The following COL8A1 variants were observed in gnomAD, a reference collection of about 807,000 sequenced individuals.
COL8A1 encodes the protein collagen alpha-1(VIII) chain.
In COL8A1, 21 loss-of-function variants were observed where a neutral mutation model predicts 42.7. The observed-to-expected ratio is 0.49, with a 90% CI of 0.35 to 0.71. The LOEUF is 0.71. Ranked by LOEUF, COL8A1 falls within the 30% of genes least tolerant of loss-of-function variation. The pLI is 0.01. For synonymous variants in COL8A1, 367 were observed against 369.1 expected, an observed-to-expected ratio of 0.99 and a Z score of 0.06; for missense variants, 788 against 962.4, an observed-to-expected ratio of 0.82 and a Z score of 2.40.
At chr3:99,650,522 C>T (rs1004141387) in intron 1 of COL8A1, among the ~76,000 whole-genome samples, 13 of 152,052 alleles carry the variant, frequency 8.5e-5, no homozygotes, top group Admixed American at 4.6e-4. Context: ...GTGACCTTCA[C>T]CTCCCGGGTT....
intron 2 of COL8A1, among the ~76,000 whole-genome samples, chr3:99,776,285 A>AC: frequency 6.6e-6 from 1 of 152,282 alleles, no homozygotes; most frequent in East Asian, 1.9e-4. Context: ...AGGGGAAAAA[A>AC]CAGAAAGTCT....
At chr3:99,653,208 T>A (rs896401888) in intron 1 of COL8A1, among the ~76,000 whole-genome samples, 27 of 152,326 alleles carry the variant, frequency 1.8e-4, no homozygotes, top group African/African-American at 5.8e-4. Context: ...GTCATTTAGG[T>A]GAGCAGCAGC....
intron 2 of COL8A1, among the ~76,000 whole-genome samples, chr3:99,789,288 C>A (rs574185975): frequency 6.6e-6 from 1 of 152,144 alleles, no homozygotes; most frequent in Non-Finnish European, 1.5e-5. Context: ...AAACAACTCT[C>A]AAGAAGATGG....
intron 2 of COL8A1, among the ~76,000 whole-genome samples, chr3:99,777,485 C>T (rs1263305336): frequency 6.6e-6 from 1 of 152,168 alleles, no homozygotes; most frequent in Non-Finnish European, 1.5e-5. Context: ...AATCTGTTTG[C>T]TATTAGGGTG....
intron 1 of COL8A1, among the ~76,000 whole-genome samples, chr3:99,734,808 T>C (rs1940650937): frequency 6.6e-6 from 1 of 152,160 alleles, no homozygotes; most frequent in Non-Finnish European, 1.5e-5. Flanking sequence ...CATTTGTTTG[T>C]ATCCTCTTTT....
chr3:99,728,285 T>G (rs1475692861), intron 1 of COL8A1, among the ~76,000 whole-genome samples: 3 of 152,100 alleles, frequency 2.0e-5, no homozygotes, highest in Non-Finnish European at 4.4e-5. Context: ...ATAAGCAACT[T>G]CAGCAAAGTC....
chr3:99,729,750 A>G (rs945173388), intron 1 of COL8A1, among the ~76,000 whole-genome samples: 2 of 152,022 alleles, frequency 1.3e-5, no homozygotes, highest in Non-Finnish European at 2.9e-5. Flanking sequence ...AGAAAGGGAA[A>G]TTATCTCTCC....
chr3:99,790,646 TTTCACCAAGTTGGTGCATTGG>T lies in COL8A1; in HGVS notation c.-3-30_-3-10del, dbSNP rs1429711922. 1 of 1,586,752 alleles carries T rather than the reference TTTCACCAAGTTGGTGCATTGG, an allele frequency of 6.3e-7. No homozygotes were observed. On this transcript the variant is annotated splice_polypyrimidine_tract_variant and intron_variant, in intron 2 of 3. Coordinates refer to ENST00000652472, the MANE Select transcript of COL8A1 (RefSeq NM_020351.4). ...ACTCAAGTCACTTGGCCTTGCAGAG[TTTCACCAAGTTGGTGCATTGG>T]TTCCTCCCACAGGTGATGGCTGTGC...
intron 1 of COL8A1, among the ~76,000 whole-genome samples, chr3:99,736,256 T>C (rs1458440568): frequency 1.3e-5 from 2 of 152,332 alleles, no homozygotes; most frequent in African/African-American, 4.8e-5. Context: ...GGTGTCAATT[T>C]TGGATCTTTC....
chr3:99,656,479 C>T (rs190704614), intron 1 of COL8A1, among the ~76,000 whole-genome samples: 2 of 147,046 alleles, frequency 1.4e-5, no homozygotes, highest in East Asian at 4.0e-4. Context: ...CTCAATTTAT[C>T]TATTTGTATA....
chr3:99,723,650 T>G (rs1436841650), intron 1 of COL8A1, among the ~76,000 whole-genome samples: 2 of 152,176 alleles, frequency 1.3e-5, no homozygotes, highest in Non-Finnish European at 2.9e-5. Context: ...ATTTTTATTT[T>G]CCTTCTGTCA....
intron 1 of COL8A1, among the ~76,000 whole-genome samples, chr3:99,684,439 G>A (rs1938987189): frequency 6.6e-6 from 1 of 152,118 alleles, no homozygotes; most frequent in Non-Finnish European, 1.5e-5. Context: ...GAGGGTTGGG[G>A]TACTGGCATC....
chr3:99,748,272 CTGTTCAATAT>C (rs1428803663), intron 2 of COL8A1, among the ~76,000 whole-genome samples: 1 of 152,140 alleles, frequency 6.6e-6, no homozygotes, highest in Non-Finnish European at 1.5e-5. Flanking sequence ...TATAGCTGCA[CTGTTCAATAT>C]GATAGCCACT....
At chr3:99,779,138 A>G (rs1941746846) in intron 2 of COL8A1, among the ~76,000 whole-genome samples, 2 of 152,254 alleles carry the variant, frequency 1.3e-5, no homozygotes, top group African/African-American at 4.8e-5. Context: ...TTTAGATGTG[A>G]GGATACTACT....
At chr3:99,667,694 A>G (rs1938410214) in intron 1 of COL8A1, among the ~76,000 whole-genome samples, 1 of 152,018 alleles carries the variant, frequency 6.6e-6, no homozygotes, top group Non-Finnish European at 1.5e-5. Flanking sequence ...AGGAATGTTA[A>G]TTCTTTCTTG....
At chr3:99,770,268 T>A (rs1214747961) in intron 2 of COL8A1, among the ~76,000 whole-genome samples, 2 of 152,132 alleles carry the variant, frequency 1.3e-5, no homozygotes, top group African/African-American at 4.8e-5. Context: ...CTTTTCAGGC[T>A]CATTTCAGGA....
intron 2 of COL8A1, among the ~76,000 whole-genome samples, chr3:99,758,260 AC>A (rs747721587): frequency 2.6e-5 from 4 of 151,964 alleles, no homozygotes; most frequent in Non-Finnish European, 4.4e-5. Flanking sequence ...AAAGGTAAAA[AC>A]CTTTTTTTTC....
intron 2 of COL8A1, among the ~76,000 whole-genome samples, chr3:99,786,223 A>T (rs1941893044): frequency 6.6e-6 from 1 of 152,122 alleles, no homozygotes; most frequent in Non-Finnish European, 1.5e-5. Flanking sequence ...GTCATTATTG[A>T]ACCCTTTATC....
At chr3:99,740,622 C>A (rs1335673984) in intron 1 of COL8A1, among the ~76,000 whole-genome samples, 1 of 152,174 alleles carries the variant, frequency 6.6e-6, no homozygotes, top group African/African-American at 2.4e-5. Context: ...GATTCACTTA[C>A]CTCCCACTGG....
Sources: allele counts gnomAD v4.1 joint callset (sites outside exome capture counted in the v4.1 genomes callset), GRCh38; gene constraint gnomAD v4.1.1; transcripts MANE v1.5; gene names NCBI Gene and HGNC (gene_info 2026-07-23, HGNC 2026-07-21).